RAD54L2: variants seen among roughly 807,000 people sequenced by gnomAD.
The protein encoded by RAD54L2 is RAD54 like 2.
Under a neutral mutation model 138.4 loss-of-function variants are expected in RAD54L2, and 27 were observed. That is an observed-to-expected ratio of 0.20 (90% confidence interval 0.14 to 0.27). The LOEUF (loss-of-function observed/expected upper bound fraction) is 0.27. Ranked by LOEUF, RAD54L2 falls within the 10% of genes least tolerant of loss-of-function variation. The pLI, the probability that RAD54L2 is intolerant of heterozygous loss-of-function variation, is 1.00. For missense variants in RAD54L2, 1,396 were observed against 1,890.2 expected, an observed-to-expected ratio of 0.74 and a Z score of 4.85; for synonymous variants, 644 against 723.2, an observed-to-expected ratio of 0.89 and a Z score of 1.76.
chr3:51,651,520 C>T (rs1198084740), intron 19 of RAD54L2, among the ~76,000 whole-genome samples: 2 of 152,236 alleles, frequency 1.3e-5, no homozygotes, highest in African/African-American at 2.4e-5. Context: ...TGATGAACAT[C>T]GATGTGAAAA....
At chr3:51,603,578 C>T (rs949536564) in intron 3 of RAD54L2, among the ~76,000 whole-genome samples, 26 of 152,114 alleles carry the variant, frequency 1.7e-4, no homozygotes, top group African/African-American at 5.5e-4. Context: ...TACACTCTGG[C>T]TTGGGTGACA....
At chr3:51,624,364 G>T (rs1559640734) in intron 3 of RAD54L2, among the ~76,000 whole-genome samples, 1 of 151,710 alleles carries the variant, frequency 6.6e-6, no homozygotes, top group Non-Finnish European at 1.5e-5. Flanking sequence ...AGCCTCTTGA[G>T]TAGCTGGGAC....
chr3:51,543,454 C>T (rs1698606890), intron 2 of RAD54L2, among the ~76,000 whole-genome samples: 1 of 151,926 alleles, frequency 6.6e-6, no homozygotes, highest in Admixed American at 6.6e-5. Flanking sequence ...ACTAAAAATA[C>T]AAAATTAGCC....
intron 2 of RAD54L2, among the ~76,000 whole-genome samples, chr3:51,570,636 T>G (rs1383153413): frequency 6.6e-6 from 1 of 151,014 alleles, no homozygotes; most frequent in Admixed American, 6.6e-5. Context: ...TTTGTATTTT[T>G]AATAGAGACG....
chr3:51,644,342 G>A (rs1701216167), intron 16 of RAD54L2, among the ~76,000 whole-genome samples: 2 of 152,174 alleles, frequency 1.3e-5, no homozygotes, highest in Admixed American at 1.3e-4. Flanking sequence ...CTACTTGGGA[G>A]GCAGAGGCGG....
intron 19 of RAD54L2, among the ~76,000 whole-genome samples, chr3:51,649,800 AGGAACAACC>A (rs1701381680): frequency 6.6e-6 from 1 of 152,218 alleles, no homozygotes; most frequent in African/African-American, 2.4e-5. Context: ...AAACATGGAA[AGGAACAACC>A]GGTACCAGCC....
intron 21 of RAD54L2, 79 bp downstream of exon 21, chr3:51,657,748 T>C: frequency 2.0e-6 from 2 of 997,076 alleles, no homozygotes; most frequent in Non-Finnish European, 3.1e-6. Context: ...TACATATGAC[T>C]TGAGCTAGAC....
chr3:51,654,289 TC>T (rs1701535986), intron 19 of RAD54L2, among the ~76,000 whole-genome samples: 1 of 152,204 alleles, frequency 6.6e-6, no homozygotes, highest in African/African-American at 2.4e-5. Context: ...CCACAGGTGA[TC>T]CACCTGCCTC....
chr3:51,656,367 A>G (rs1206903435), intron 20 of RAD54L2, among the ~76,000 whole-genome samples, 197 bp downstream of exon 20: 1 of 152,226 alleles, frequency 6.6e-6, no homozygotes, highest in Non-Finnish European at 1.5e-5. Flanking sequence ...ATAACAACAC[A>G]TAACTGGGTT....
At position 51,639,642 on chromosome 3, in the gene RAD54L2, G is replaced by A. The variant is rs1284091002; in HGVS notation, c.2084G>A (p.Arg695Gln). ...GTTGGCTTCAACCCTTTCCAGGAGC[G>A]AGGCAACAACATTGTCACATATGAA... is the stretch of plus-strand genomic sequence containing the variant. ...QGVGFNPFQE[R>Q]GNNIVTYEWA... Residue 695 changes from arginine to glutamine, a missense_variant, in exon 13 of 23, where the codon CGA (arginine) becomes CAA (glutamine). Transcript: ENST00000684192. 5 of 1,613,680 alleles carry A rather than the reference G, an allele frequency of 3.1e-6. No individual in the cohort carries two copies. The highest frequency in any genetic ancestry group is 2.2e-5 in the East Asian group (1 of 44,858).
intron 3 of RAD54L2, among the ~76,000 whole-genome samples, chr3:51,607,947 ACGGGGTGGCTGGCCGG>A (rs1700236730): frequency 7.6e-6 from 1 of 131,770 alleles, no homozygotes. Context: ...CTCCTCCCGG[ACGGGGTGGCTGGCCGG>A]GTGGGGGCTG....
At chr3:51,579,041 A>G (rs1339666847) in intron 2 of RAD54L2, among the ~76,000 whole-genome samples, 2 of 150,774 alleles carry the variant, frequency 1.3e-5, no homozygotes, top group Admixed American at 6.6e-5. Flanking sequence ...CCCTGGCCGG[A>G]CTCCTCTCCG....
At chr3:51,610,833 C>T (rs537143265) in intron 3 of RAD54L2, among the ~76,000 whole-genome samples, 3 of 152,266 alleles carry the variant, frequency 2.0e-5, no homozygotes, top group East Asian at 1.9e-4. Context: ...AGCCCAGCAC[C>T]GATTGACATG....
At chr3:51,568,227 T>A (rs2106656212) in intron 2 of RAD54L2, among the ~76,000 whole-genome samples, 1 of 152,292 alleles carries the variant, frequency 6.6e-6, no homozygotes, top group African/African-American at 2.4e-5. Flanking sequence ...GCTTCACTGT[T>A]ATGTAACAGT....
At position 51,646,496 on chromosome 3, in the gene RAD54L2, G is replaced by C. The variant is rs1701284667; in HGVS notation, c.3026+15G>C. Reference sequence around the variant, plus strand: ...CAGAGAAACTGGTGAGTTGCTGAAAGGGGAGGGTCTGCTGCTGGGCCAGGC... The same window carrying C: ...CAGAGAAACTGGTGAGTTGCTGAAACGGGAGGGTCTGCTGCTGGGCCAGGC... On this transcript the variant is annotated intron_variant, in intron 19 of 22. Coordinates refer to ENST00000684192, the MANE Select transcript of RAD54L2 (RefSeq NM_015106.4). The C allele has an allele frequency of 6.3e-7, 1 of 1,592,300 alleles. No individual in the cohort carries two copies. Among genetic ancestry groups the C allele is most frequent in the South Asian group, 1.1e-5 (1 of 89,230 alleles).
At chr3:51,643,232 A>C (rs907669851) in intron 15 of RAD54L2, among the ~76,000 whole-genome samples, 1 of 152,118 alleles carries the variant, frequency 6.6e-6, no homozygotes, top group Non-Finnish European at 1.5e-5. Flanking sequence ...ACGGGGTTTC[A>C]CCATGTGGGT....
At chr3:51,616,160 T>A (rs1700437018) in intron 3 of RAD54L2, among the ~76,000 whole-genome samples, 1 of 152,184 alleles carries the variant, frequency 6.6e-6, no homozygotes, top group African/African-American at 2.4e-5. Flanking sequence ...CTAGCTATTT[T>A]GAAATAATAC....
chr3:51,590,378 TG>T lies in RAD54L2; in HGVS notation c.-41del, dbSNP rs1277396347. ...TCATCCTCTCCTAGCACCCCTGCAG[TG>T]GACCATGAGTCGGTAATGCCCACTG... On this transcript the variant is annotated 5_prime_UTR_variant, in exon 3 of 23. Coordinates refer to ENST00000684192, the MANE Select transcript of RAD54L2 (RefSeq NM_015106.4). 6.7e-7 allele frequency: 1 copy of T among 1,483,622 alleles called. No individual in the cohort carries two copies. Among genetic ancestry groups the T allele is most frequent in the Non-Finnish European group, 9.0e-7 (1 of 1,112,646 alleles). The allele number at this position is 1,483,622 out of a possible 1,614,324, so 91.9% of individuals were successfully genotyped here. A position where few individuals can be genotyped will look rare whatever the true frequency, so the allele number is the denominator to read the frequency against.
chr3:51,539,626 T>TA (rs1553670905), intron 1 of RAD54L2, among the ~76,000 whole-genome samples: 1 of 151,902 alleles, frequency 6.6e-6, no homozygotes, highest in Non-Finnish European at 1.5e-5. Flanking sequence ...AGTTGTGGTT[T>TA]GGGGAGTGTA....
Sources: allele counts gnomAD v4.1 joint callset (sites outside exome capture counted in the v4.1 genomes callset), GRCh38; gene constraint gnomAD v4.1.1; transcripts MANE v1.5; gene names NCBI Gene and HGNC (gene_info 2026-07-23, HGNC 2026-07-21).